The following LUZP2 variants were observed in gnomAD, a reference collection of about 807,000 sequenced individuals.
The protein encoded by LUZP2 is leucine zipper protein 2.
LUZP2 carries 52 observed loss-of-function variants against 51.6 expected under a neutral mutation model. That is an observed-to-expected ratio of 1.01 (90% CI 0.81 to 1.27). The LOEUF (loss-of-function observed/expected upper bound fraction) is 1.27. Ranked by LOEUF, LUZP2 falls within the 50% of genes most tolerant of loss-of-function variation. The probability of loss-of-function intolerance (pLI) is 0.00; values close to 1 mark genes in which losing one functional copy is unlikely to be tolerated. For synonymous variants in LUZP2, 154 were observed against 137.3 expected (o/e 1.12, Z -0.85); for missense variants, 436 against 395.4 (o/e 1.10, Z -0.87).
intron 1 of LUZP2, among the ~76,000 whole-genome samples, chr11:24,629,364 A>G (rs528626639): frequency 1.3e-5 from 2 of 151,816 alleles, no homozygotes; most frequent in South Asian, 4.2e-4. Context: ...TGTTTCACTT[A>G]TAATTCTGGC....
intron 8 of LUZP2, among the ~76,000 whole-genome samples, chr11:24,978,205 T>TA (rs199821593): frequency 1.3e-4 from 19 of 151,810 alleles, no homozygotes; most frequent in Middle Eastern, 3.4e-3. Flanking sequence ...TATAAGATTT[T>TA]AAAAAAATTT....
intron 1 of LUZP2, among the ~76,000 whole-genome samples, chr11:24,534,817 A>T (rs944183064): frequency 1.3e-5 from 2 of 151,432 alleles, no homozygotes; most frequent in African/African-American, 4.8e-5. Context: ...TAATGTGCTT[A>T]ATAAAATATT....
intron 7 of LUZP2, among the ~76,000 whole-genome samples, chr11:24,965,069 A>T (rs1855541599): frequency 6.6e-6 from 1 of 151,572 alleles, no homozygotes; most frequent in African/African-American, 2.4e-5. Context: ...AGTCCCATTA[A>T]GATTCCCAAG....
chr11:25,036,020 G>A (rs1264524292), intron 9 of LUZP2, among the ~76,000 whole-genome samples: 1 of 151,914 alleles, frequency 6.6e-6, no homozygotes, highest in Non-Finnish European at 1.5e-5. Flanking sequence ...CCAGCTTTTT[G>A]GAATAGTTTC....
intron 1 of LUZP2, among the ~76,000 whole-genome samples, chr11:24,727,242 A>G (rs1164967861): frequency 6.6e-6 from 1 of 152,100 alleles, no homozygotes; most frequent in Non-Finnish European, 1.5e-5. Context: ...TTCTTGAAGG[A>G]CGCAATGAAC....
chr11:24,680,632 CA>C (rs1046184329), intron 1 of LUZP2, among the ~76,000 whole-genome samples: 1 of 152,120 alleles, frequency 6.6e-6, no homozygotes, highest in Admixed American at 6.6e-5. Flanking sequence ...AGATAATTAG[CA>C]GGAAAAATTT....
chr11:24,538,954 A>G (rs1439807610), intron 1 of LUZP2, among the ~76,000 whole-genome samples: 1 of 151,912 alleles, frequency 6.6e-6, no homozygotes, highest in Non-Finnish European at 1.5e-5. Flanking sequence ...ATTATATATA[A>G]TTTTTCATTA....
chr11:24,808,839 G>C (rs1849931644), intron 5 of LUZP2, among the ~76,000 whole-genome samples: 1 of 151,840 alleles, frequency 6.6e-6, no homozygotes, highest in South Asian at 2.1e-4. Flanking sequence ...TTCAAGATTA[G>C]GTAACTCATT....
intron 1 of LUZP2, among the ~76,000 whole-genome samples, chr11:24,590,993 C>T (rs1853238912): frequency 6.6e-6 from 1 of 152,158 alleles, no homozygotes. Flanking sequence ...CACCTGTACT[C>T]CCAGTGCTTT....
intron 6 of LUZP2, among the ~76,000 whole-genome samples, 182 bp from the exon 7 acceptor site, chr11:24,914,294 C>T (rs886211291): frequency 6.6e-6 from 1 of 152,030 alleles, no homozygotes; most frequent in Non-Finnish European, 1.5e-5. Flanking sequence ...CTCTTTCTGC[C>T]TAGGTTGTCC....
intron 1 of LUZP2, among the ~76,000 whole-genome samples, chr11:24,601,370 T>G (rs1222124501): frequency 6.6e-6 from 1 of 152,022 alleles, no homozygotes; most frequent in African/African-American, 2.4e-5. Context: ...TGTATGTTGT[T>G]AAAAGCCACT....
intron 7 of LUZP2, among the ~76,000 whole-genome samples, chr11:24,916,623 TA>T (rs1442458411): frequency 6.6e-6 from 1 of 152,106 alleles, no homozygotes; most frequent in Non-Finnish European, 1.5e-5. Flanking sequence ...CTGAGAATGA[TA>T]GTTTCCAGCT....
At chr11:24,513,136 T>C (rs1045551365) in intron 1 of LUZP2, among the ~76,000 whole-genome samples, 1 of 152,226 alleles carries the variant, frequency 6.6e-6, no homozygotes, top group Non-Finnish European at 1.5e-5. Flanking sequence ...AAATAGATGG[T>C]ATTGATGTTT....
At chr11:24,827,978 C>A (rs1461722713) in intron 5 of LUZP2, among the ~76,000 whole-genome samples, 1 of 151,934 alleles carries the variant, frequency 6.6e-6, no homozygotes, top group East Asian at 1.9e-4. Flanking sequence ...TTAGAGTTTG[C>A]TGTAGGTCTG....
At chr11:24,516,657 A>G (rs963085886) in intron 1 of LUZP2, among the ~76,000 whole-genome samples, 3 of 152,216 alleles carry the variant, frequency 2.0e-5, no homozygotes, top group African/African-American at 4.8e-5. Flanking sequence ...TGAGAAAGGT[A>G]AGAGAGAAGT....
At chr11:25,076,006 A>G (rs1384932728) in intron 10 of LUZP2, among the ~76,000 whole-genome samples, 1 of 151,474 alleles carries the variant, frequency 6.6e-6, no homozygotes, top group Admixed American at 6.6e-5. Flanking sequence ...ATATACAAAT[A>G]TAATAATTAT....
intron 1 of LUZP2, among the ~76,000 whole-genome samples, chr11:24,573,056 A>G (rs1852493072): frequency 1.3e-5 from 2 of 151,982 alleles, no homozygotes; most frequent in Non-Finnish European, 2.9e-5. Context: ...TGAGACCATG[A>G]TAGGTGGGTA....
intron 10 of LUZP2, among the ~76,000 whole-genome samples, chr11:25,070,748 G>A (rs1311821173): frequency 5.3e-5 from 8 of 149,542 alleles, no homozygotes; most frequent in Non-Finnish European, 1.2e-4. Flanking sequence ...TTCATAAAAT[G>A]GCATTGTGAA....
chr11:24,503,181 C>T (rs1324835375), intron 1 of LUZP2, among the ~76,000 whole-genome samples: 1 of 152,166 alleles, frequency 6.6e-6, no homozygotes, highest in Non-Finnish European at 1.5e-5. Context: ...TTTGCACATA[C>T]ATTATCATAA....
Sources: allele counts gnomAD v4.1 joint callset (sites outside exome capture counted in the v4.1 genomes callset), GRCh38; gene constraint gnomAD v4.1.1; transcripts MANE v1.5; gene names NCBI Gene and HGNC (gene_info 2026-07-23, HGNC 2026-07-21).